The following LDLRAD4 variants were observed in gnomAD, a reference collection of about 807,000 sequenced individuals.
The protein encoded by LDLRAD4 is low-density lipoprotein receptor class A domain-containing protein 4.
A neutral mutation model predicts 17.0 loss-of-function variants in LDLRAD4; 5 were observed. The observed-to-expected ratio is 0.29, with a 90% CI of 0.15 to 0.62. The LOEUF is 0.62. Among genes scored for constraint, LDLRAD4 ranks in the 20% least tolerant of loss-of-function variants. The pLI, the probability that LDLRAD4 is intolerant of heterozygous loss-of-function variation, is 0.84. For missense variants in LDLRAD4, 340 were observed against 424.7 expected, an observed-to-expected ratio of 0.80 and a Z score of 1.75; for synonymous variants, 168 against 171.8, an observed-to-expected ratio of 0.98 and a Z score of 0.17.
At chr18:13,332,165 A>G (rs76565797) in intron 1 of LDLRAD4, among the ~76,000 whole-genome samples, 4,556 of 152,320 alleles carry the variant, frequency 0.03, 176 homozygotes, top group African/African-American at 0.091. Context: ...GTTCTTAGAA[A>G]CTTCATTTTA....
At chr18:13,348,009 G>A (rs578033632) in intron 1 of LDLRAD4, among the ~76,000 whole-genome samples, 16 of 152,214 alleles carry the variant, frequency 1.1e-4, no homozygotes, top group Non-Finnish European at 2.4e-4. Context: ...TCTTTGCCAC[G>A]GGTTCGAAAT....
At chr18:13,361,072 C>T (rs1000106395) in intron 1 of LDLRAD4, among the ~76,000 whole-genome samples, 1 of 152,156 alleles carries the variant, frequency 6.6e-6, no homozygotes, top group Non-Finnish European at 1.5e-5. Context: ...CAGTAGCACA[C>T]GTGACATCTG....
chr18:13,487,862 G>A (rs1648617), intron 3 of LDLRAD4: 119,112 of 152,308 alleles, frequency 0.78, 46,912 homozygotes, highest in South Asian at 0.85. Flanking sequence ...GTGCTGCTGG[G>A]CATTTCATGG....
chr18:13,389,983 G>T (rs1178600752), intron 2 of LDLRAD4, among the ~76,000 whole-genome samples: 3 of 147,648 alleles, frequency 2.0e-5, no homozygotes, highest in African/African-American at 5.3e-5. Context: ...CCCAGCTCAC[G>T]TTTTTTTTTA....
chr18:13,607,837 G>T (rs181378546), intron 3 of LDLRAD4, among the ~76,000 whole-genome samples: 1 of 152,202 alleles, frequency 6.6e-6, no homozygotes, highest in African/African-American at 2.4e-5. Flanking sequence ...TCTTTACCTG[G>T]TCTATCACTG....
chr18:13,476,918 T>G (rs1366694140), intron 3 of LDLRAD4, among the ~76,000 whole-genome samples: 2 of 152,220 alleles, frequency 1.3e-5, no homozygotes, highest in African/African-American at 2.4e-5. Context: ...AATATTTAAA[T>G]TGGAATGGAC....
intron 3 of LDLRAD4, among the ~76,000 whole-genome samples, chr18:13,576,421 CAAA>C (rs60116058): frequency 8.9e-5 from 8 of 90,284 alleles, no homozygotes; most frequent in African/African-American, 1.3e-4. Context: ...GACTCTGTCT[CAAA>C]AAAAAAAAAA....
At chr18:13,557,342 A>G (rs1203316943) in intron 3 of LDLRAD4, among the ~76,000 whole-genome samples, 5 of 152,218 alleles carry the variant, frequency 3.3e-5, no homozygotes, top group Non-Finnish European at 7.3e-5. Context: ...CACTTTGAAC[A>G]TGATCCTAAC....
chr18:13,378,115 G>A (rs1398831265), intron 1 of LDLRAD4, among the ~76,000 whole-genome samples: 5 of 152,208 alleles, frequency 3.3e-5, no homozygotes, highest in Admixed American at 1.3e-4. Flanking sequence ...GAACGCAGGC[G>A]ACTGAAATGA....
rs117641177 is a variant in LDLRAD4 at position 13,534,521 on chromosome 18, A to G, written c.182-86596A>G. Among the ~76,000 whole-genome samples the G allele has an allele frequency of 3.8e-3, 573 of 152,248 alleles. 5 individuals are homozygous for G. Among genetic ancestry groups the G allele is most frequent in the Non-Finnish European group, 4.5e-3 (308 of 68,012 alleles). On this transcript the variant is annotated intron_variant, in intron 3 of 5. Transcript: ENST00000359446. ...AGAAAGAGGACGAAAAGGCTTTATA[A>G]TCTTTCTTGAAGAGACCCTGTTGCT...
At chr18:13,283,312 A>C (rs1453603966) in intron 1 of LDLRAD4, among the ~76,000 whole-genome samples, 1 of 152,192 alleles carries the variant, frequency 6.6e-6, no homozygotes, top group Middle Eastern at 3.2e-3. Flanking sequence ...TCAGCCTGCA[A>C]ATTTTCCAAA....
At chr18:13,256,237 G>C (rs946444583) in intron 1 of LDLRAD4, among the ~76,000 whole-genome samples, 1 of 152,186 alleles carries the variant, frequency 6.6e-6, no homozygotes, top group Non-Finnish European at 1.5e-5. Flanking sequence ...CTGGATGTAG[G>C]GGGAGGCTTG....
At chr18:13,582,011 C>T (rs1204776004) in intron 3 of LDLRAD4, among the ~76,000 whole-genome samples, 1 of 152,098 alleles carries the variant, frequency 6.6e-6, no homozygotes, top group Non-Finnish European at 1.5e-5. Flanking sequence ...ATTTATTCCA[C>T]ACTGAGGGGC....
chr18:13,630,304 A>C (rs2148885813), intron 4 of LDLRAD4, among the ~76,000 whole-genome samples: 1 of 152,334 alleles, frequency 6.6e-6, no homozygotes, highest in Middle Eastern at 3.4e-3. Flanking sequence ...GGGGAGGTGC[A>C]GTCTCTGACA....
At chr18:13,558,888 C>A (rs751854351) in intron 3 of LDLRAD4, among the ~76,000 whole-genome samples, 1 of 128,118 alleles carries the variant, frequency 7.8e-6, no homozygotes, top group African/African-American at 3.0e-5. Context: ...CAGCCCTCCC[C>A]CTGCCCCTCT....
At chr18:13,551,312 A>T (rs965397869) in intron 3 of LDLRAD4, among the ~76,000 whole-genome samples, 2 of 152,112 alleles carry the variant, frequency 1.3e-5, no homozygotes, top group Admixed American at 6.5e-5. Flanking sequence ...TTGTAGAGAC[A>T]TCTTGATTAA....
chr18:13,611,418 T>C (rs1316216904), intron 3 of LDLRAD4: 2 of 984,126 alleles, frequency 2.0e-6, no homozygotes, highest in African/African-American at 3.5e-5. Context: ...CCCGTGATTT[T>C]CTCTGAAAAC....
chr18:13,529,372 TGA>T (rs2094091073), intron 3 of LDLRAD4, among the ~76,000 whole-genome samples: 1 of 152,222 alleles, frequency 6.6e-6, no homozygotes, highest in Non-Finnish European at 1.5e-5. Flanking sequence ...ATGGTGGTGA[TGA>T]CTGTAAGCTA....
chr18:13,460,373 T>G (rs1355337265), intron 3 of LDLRAD4, among the ~76,000 whole-genome samples: 1 of 152,116 alleles, frequency 6.6e-6, no homozygotes, highest in Non-Finnish European at 1.5e-5. Context: ...TTGTGTTTTT[T>G]GTAGAGATGG....
Sources: gnomAD v4.1 joint callset for allele counts (sites outside exome capture counted in the v4.1 genomes callset) on GRCh38, gnomAD v4.1.1 for gene constraint, MANE v1.5 for transcripts, NCBI Gene and HGNC (gene_info 2026-07-23, HGNC 2026-07-21) for gene names.